Variants in PRKN observed in about 807,000 individuals in gnomAD.
The protein encoded by PRKN is parkin RBR E3 ubiquitin protein ligase, also known as E3 ubiquitin-protein ligase parkin.
Under a neutral mutation model 59.5 loss-of-function variants are expected in PRKN, and 56 were observed. The ratio of observed to expected loss-of-function variants is 0.94; its 90% CI spans 0.76 to 1.18. The LOEUF (loss-of-function observed/expected upper bound fraction) is 1.18. Ranked by LOEUF, PRKN falls within the 50% of genes most tolerant of loss-of-function variation. PRKN has a pLI of 0.00. For synonymous variants in PRKN, 250 were observed against 222.1 expected, an observed-to-expected ratio of 1.13 and a Z score of -1.12; for missense variants, 657 against 596.4, an observed-to-expected ratio of 1.10 and a Z score of -1.06.
chr6:161,760,887 G>A (rs1018168988), intron 7 of PRKN, among the ~76,000 whole-genome samples: 3 of 152,172 alleles, frequency 2.0e-5, no homozygotes, highest in Admixed American at 6.5e-5. Context: ...TGTTATCAAT[G>A]GCATGAATGA....
chr6:161,795,997 C>T (rs1245672623), intron 6 of PRKN, among the ~76,000 whole-genome samples: 1 of 152,112 alleles, frequency 6.6e-6, no homozygotes, highest in Non-Finnish European at 1.5e-5. Context: ...AATGATAATG[C>T]TTCTATAAGC....
chr6:161,725,197 G>A (rs574021299), intron 7 of PRKN, among the ~76,000 whole-genome samples: 2 of 152,102 alleles, frequency 1.3e-5, no homozygotes, highest in South Asian at 2.1e-4. Context: ...AATGCAGGAC[G>A]GCCTAACACG....
At chr6:162,308,051 A>G (rs1018340371) in intron 2 of PRKN, among the ~76,000 whole-genome samples, 1 of 152,146 alleles carries the variant, frequency 6.6e-6, no homozygotes, top group Non-Finnish European at 1.5e-5. Flanking sequence ...ATCCTTTCTA[A>G]TAAGAAAGGA....
chr6:162,285,715 T>G (rs1277921915), intron 2 of PRKN, among the ~76,000 whole-genome samples: 2 of 152,174 alleles, frequency 1.3e-5, no homozygotes, highest in African/African-American at 4.8e-5. Context: ...TGTTTCCTCC[T>G]CTTCCCCGAC....
chr6:162,248,460 T>C (rs2128094640), intron 3 of PRKN, among the ~76,000 whole-genome samples: 1 of 152,228 alleles, frequency 6.6e-6, no homozygotes, highest in Admixed American at 6.5e-5. Flanking sequence ...GCCTGAGAAC[T>C]GTGCTATAAA....
intron 6 of PRKN, among the ~76,000 whole-genome samples, chr6:161,952,978 C>T (rs1412941732): frequency 1.3e-5 from 2 of 152,128 alleles, no homozygotes; most frequent in African/African-American, 2.4e-5. Context: ...GACATGCCCA[C>T]GTGAGCAGAG....
chr6:162,088,245 C>G (rs1200534331), intron 4 of PRKN, among the ~76,000 whole-genome samples: 1 of 152,140 alleles, frequency 6.6e-6, no homozygotes. Context: ...TCTGAAGATT[C>G]TTAGGGCACC....
Position 161,390,320 on chromosome 6 carries a change from T to C in PRKN, c.1084-3443A>G, listed in dbSNP as rs2114953111. 6.6e-6 allele frequency among the ~76,000 whole-genome samples: 1 copy of C among 152,372 alleles called. No individual in the cohort carries two copies. The highest frequency in any genetic ancestry group is 2.1e-4 in the South Asian group (1 of 4,828). On this transcript the variant is annotated intron_variant, in intron 9 of 11. Coordinates refer to ENST00000366898, the MANE Select transcript of PRKN (RefSeq NM_004562.3). This position sits in a 1 kb window ranked among gnomAD's most constrained non-coding sequence, Gnocchi z 7.0. ...AATTTTAAGTAAAACACAGCATGGC[T>C]ATTGAACACTATGTGATTTATTAAC...
intron 1 of PRKN, among the ~76,000 whole-genome samples, chr6:162,573,501 C>A (rs1459818120): frequency 6.6e-6 from 1 of 152,184 alleles, no homozygotes; most frequent in Non-Finnish European, 1.5e-5. Flanking sequence ...ACCCAGCTTG[C>A]TTCTACTAAG....
chr6:161,943,646 G>A (rs1323725421), intron 6 of PRKN, among the ~76,000 whole-genome samples: 2 of 151,692 alleles, frequency 1.3e-5, no homozygotes, highest in Admixed American at 6.6e-5. Flanking sequence ...GAAATACCCT[G>A]AGGGATCAGC....
rs559482151 is a variant in PRKN, at chr6:162,195,280, A to G, written c.534+5851T>C. Among the ~76,000 whole-genome samples the G allele has an allele frequency of 3.3e-5, 5 of 152,320 alleles. No homozygotes were observed. The South Asian group carries it at 6.2e-4, about 19-fold the overall frequency. ...GAAACGCCTGATAACCAAATCTACAATAAGCAAAGAGGGGATATCACACAC... is the reference window on the plus strand; with the variant it reads ...GAAACGCCTGATAACCAAATCTACAGTAAGCAAAGAGGGGATATCACACAC... On this transcript the variant is annotated intron_variant, in intron 4 of 11. Transcript: ENST00000366898.
rs1459903110 is a variant in PRKN at position 161,490,923 on chromosome 6, CAT to C, written c.1083+57929_1083+57930del. Among the ~76,000 whole-genome samples, 4 of 152,210 alleles carry C rather than the reference CAT, an allele frequency of 2.6e-5. No individual in the cohort carries two copies. The East Asian group carries it at 7.8e-4, about 30-fold the overall frequency. On this transcript the variant is annotated intron_variant, in intron 9 of 11. Coordinates refer to ENST00000366898, the MANE Select transcript of PRKN (RefSeq NM_004562.3). ...CTCTCTCTCTTCCCCCTGCTCCCGC[CAT>C]ATGAGATGCCTGCTCCCCTTTTGCC...
intron 2 of PRKN, among the ~76,000 whole-genome samples, chr6:162,319,347 G>T (rs1207981171): frequency 6.6e-6 from 1 of 151,984 alleles, no homozygotes; most frequent in Admixed American, 6.6e-5. Flanking sequence ...AACTACTGTT[G>T]TGGAAAATAA....
intron 7 of PRKN, among the ~76,000 whole-genome samples, chr6:161,675,773 T>G (rs1322765942): frequency 1.3e-5 from 2 of 152,234 alleles, no homozygotes; most frequent in African/African-American, 2.4e-5. Flanking sequence ...CTCAAGGAAT[T>G]ACAAAGGACT....
intron 2 of PRKN, among the ~76,000 whole-genome samples, chr6:162,403,242 G>T (rs1467725088): frequency 3.3e-5 from 5 of 151,940 alleles, no homozygotes; most frequent in Non-Finnish European, 7.4e-5. Flanking sequence ...CACTCACTCT[G>T]GCCTCCAGCC....
chr6:162,085,553 G>T (rs986632391), intron 4 of PRKN, among the ~76,000 whole-genome samples: 1 of 152,030 alleles, frequency 6.6e-6, no homozygotes, highest in Non-Finnish European at 1.5e-5. Context: ...ATTTGACAAA[G>T]AAATGCATAA....
In PRKN at chr6:161,355,602, C is replaced by CT. The variant is rs1784717488; in HGVS notation, c.1285+4485_1285+4486insA. On this transcript the variant is annotated intron_variant, in intron 11 of 11. Transcript: ENST00000366898. The surrounding 1 kb of genome is among the most constrained non-coding windows in gnomAD (Gnocchi z 6.8). ...TGTATTTTTACTAGAGACAGGGTTT[C>CT]ACCATGTTAGTCAGGCTGGTCCTGA... 6.6e-6 allele frequency among the ~76,000 whole-genome samples: 1 copy of CT among 152,000 alleles called. No individual in the cohort carries two copies. Among genetic ancestry groups the CT allele is most frequent in the South Asian group, 2.1e-4 (1 of 4,822 alleles).
chr6:162,690,906 T>G (rs1777748918), intron 1 of PRKN, among the ~76,000 whole-genome samples: 1 of 152,132 alleles, frequency 6.6e-6, no homozygotes, highest in Admixed American at 6.5e-5. Context: ...ATGCTACAGA[T>G]TCTATAATTA....
intron 1 of PRKN, among the ~76,000 whole-genome samples, chr6:162,723,700 C>T (rs1445431604): frequency 1.3e-5 from 2 of 152,162 alleles, no homozygotes; most frequent in Non-Finnish European, 2.9e-5. Context: ...CTCAAATTGT[C>T]ATACGATTTT....
Sources: allele counts gnomAD v4.1 joint callset (sites outside exome capture counted in the v4.1 genomes callset), GRCh38; gene constraint gnomAD v4.1.1; non-coding constraint Gnocchi (gnomAD v3.1); transcripts MANE v1.5; gene names NCBI Gene and HGNC (gene_info 2026-07-23, HGNC 2026-07-21).